Variants in EFCAB5 observed in about 807,000 individuals in gnomAD.
EFCAB5 encodes EF-hand calcium-binding domain-containing protein 5.
In EFCAB5, 131 loss-of-function variants were observed where a neutral mutation model predicts 167.9. The ratio of observed to expected loss-of-function variants is 0.78; its 90% CI spans 0.68 to 0.90. The LOEUF is 0.90. EFCAB5 is among the 40% of genes least tolerant of loss of function. The probability of loss-of-function intolerance (pLI) is 0.00; values close to 1 mark genes in which losing one functional copy is unlikely to be tolerated. For missense variants in EFCAB5, 1,663 were observed against 1,745.2 expected, an observed-to-expected ratio of 0.95 and a Z score of 0.84; for synonymous variants, 574 against 602.8, an observed-to-expected ratio of 0.95 and a Z score of 0.70.
chr17:29,997,261 AAG>A (rs2068565442), intron 6 of EFCAB5, among the ~76,000 whole-genome samples: 1 of 151,880 alleles, frequency 6.6e-6, no homozygotes, highest in Non-Finnish European at 1.5e-5. Flanking sequence ...AAAAAAAAGA[AAG>A]AAAGAAAATT....
In EFCAB5 at chr17:30,034,344, C is replaced by T. The variant is rs755373095; in HGVS notation, c.1159C>T (p.Gln387Ter). The T allele has an allele frequency of 6.2e-6, 10 of 1,611,026 alleles. No individual in the cohort carries two copies. Among genetic ancestry groups the T allele is most frequent in the Non-Finnish European group, 8.5e-6 (10 of 1,178,348 alleles). ...REVIKADMRR[Q>*]MFAELFLHCD... is the part of the protein sequence containing the mutation. The stretch of plus-strand genomic sequence containing the variant: ...GGTCATAAAAGCTGACATGCGGAGG[C>T]AGATGTTCGCTGAACTCTTCCTACA... Residue 387 changes from glutamine (Q) to a stop codon, truncating the protein, a stop_gained, in exon 8 of 23, where the codon CAG (glutamine) becomes TAG (stop). Coordinates refer to ENST00000394835, the MANE Select transcript of EFCAB5 (RefSeq NM_198529.4). LOFTEE classifies it high-confidence loss of function.
chr17:29,934,322 CA>C (rs2067227615), intron 1 of EFCAB5, among the ~76,000 whole-genome samples: 1 of 152,202 alleles, frequency 6.6e-6, no homozygotes, highest in African/African-American at 2.4e-5. Flanking sequence ...CACATTATCA[CA>C]GGGTATTTCC....
At position 29,969,318 on chromosome 17, in the gene EFCAB5, G is replaced by C. The variant is rs369973710; in HGVS notation, c.718G>C (p.Glu240Gln). 1.2e-6 allele frequency: 2 copies of C among 1,610,056 alleles called. No individual in the cohort carries two copies. Among genetic ancestry groups the C allele is most frequent in the African/African-American group, 2.7e-5 (2 of 74,532 alleles). Residue 240 changes from glutamate (E) to glutamine (Q), a missense_variant, in exon 4 of 23, where the codon GAA (glutamate) becomes CAA (glutamine). Coordinates refer to ENST00000394835, the MANE Select transcript of EFCAB5 (RefSeq NM_198529.4). ...GMSGYQRLMK[E>Q]VTEDLKIYVP... is the part of the protein sequence containing the mutation. Reference sequence around the variant, plus strand: ...GTCTGGTTACCAGAGGTTGATGAAAGAAGTCACAGAAGACCTGAAGATATA... The same window carrying C: ...GTCTGGTTACCAGAGGTTGATGAAACAAGTCACAGAAGACCTGAAGATATA...
rs2071176200 is a variant in EFCAB5 at position 30,090,563 on chromosome 17, T to C, written c.3826T>C (p.Leu1276=). ...TTTTAACATCGGCCAAAATAGGATG[T>C]TGTTGTGTCAAGAATATAAAGATCT... The part of the protein sequence containing the change: ...LDFNIGQNRM[L]LCQEYKDLQK... The change falls in exon 20 of 23, where the codon TTG becomes CTG. Residue 1276 remains leucine, a synonymous_variant. Transcript: ENST00000394835. 1 of 1,613,826 alleles carries C rather than the reference T, an allele frequency of 6.2e-7. No individual in the cohort carries two copies. The highest frequency in any genetic ancestry group is 1.3e-5 in the African/African-American group (1 of 74,904).
intron 7 of EFCAB5, among the ~76,000 whole-genome samples, chr17:30,004,215 C>G (rs2068727204): frequency 6.6e-6 from 1 of 152,232 alleles, no homozygotes; most frequent in Non-Finnish European, 1.5e-5. Flanking sequence ...AGACCCTGTG[C>G]AAGGTTTCCT....
intron 2 of EFCAB5, among the ~76,000 whole-genome samples, chr17:29,942,848 G>GC (rs1350828611): frequency 6.6e-6 from 1 of 152,072 alleles, no homozygotes; most frequent in Non-Finnish European, 1.5e-5. Context: ...GACCGGACTG[G>GC]CCAACATAGC....
intron 8 of EFCAB5, among the ~76,000 whole-genome samples, chr17:30,049,264 G>A (rs1180287645): frequency 6.6e-6 from 1 of 151,994 alleles, no homozygotes; most frequent in Non-Finnish European, 1.5e-5. Flanking sequence ...GGCGGATCAC[G>A]AGGTCAAGAG....
intron 7 of EFCAB5, among the ~76,000 whole-genome samples, chr17:30,019,769 C>T (rs2069131415): frequency 6.6e-6 from 1 of 152,056 alleles, no homozygotes; most frequent in African/African-American, 2.4e-5. Context: ...CTAGAATAAG[C>T]CTCAGTCATG....
At chr17:30,000,808 G>T (rs915450863) in intron 7 of EFCAB5, among the ~76,000 whole-genome samples, 4 of 152,082 alleles carry the variant, frequency 2.6e-5, no homozygotes, top group Admixed American at 1.3e-4. Flanking sequence ...TTCTGTGTTT[G>T]TCTATTTGTC....
chr17:30,097,053 T>TACATATACATATACATATACATATAC (rs201621184), intron 22 of EFCAB5, among the ~76,000 whole-genome samples: 1 of 91,528 alleles, frequency 1.1e-5, no homozygotes, highest in Admixed American at 1.1e-4. Flanking sequence ...CATATACATA[T>TACATATACATATACATATACATATAC]ATATATATTT....
chr17:30,092,092 A>G lies in EFCAB5; in HGVS notation c.4159A>G (p.Ile1387Val), dbSNP rs755624016. The G allele has an allele frequency of 1.9e-6, 3 of 1,614,000 alleles. No homozygotes were observed. The South Asian group carries it at 3.3e-5, about 18-fold the overall frequency. Residue 1387 changes from isoleucine (I) to valine (V), a missense_variant, in exon 21 of 23, where the codon ATC becomes GTC. Ile to Val is a conservative substitution (Grantham distance 29, BLOSUM62 3). Transcript: ENST00000394835. Reference sequence around the variant, plus strand: ...AGTGCGTGACATCCTGAAGGCGGTTATCTTGTTCTTTCATCCAGAGTTGGA... The same window carrying G: ...AGTGCGTGACATCCTGAAGGCGGTTGTCTTGTTCTTTCATCCAGAGTTGGA... The part of the protein sequence containing the change: ...KLVRDILKAV[I>V]LFFHPELEFS...
intron 3 of EFCAB5, among the ~76,000 whole-genome samples, chr17:29,959,803 G>T (rs1217944441): frequency 6.6e-6 from 1 of 152,054 alleles, no homozygotes; most frequent in East Asian, 1.9e-4. Context: ...TTGGGGGAGG[G>T]GTGACACAAC....
intron 4 of EFCAB5, among the ~76,000 whole-genome samples, chr17:29,977,538 G>A (rs1031285242): frequency 2.6e-5 from 4 of 152,098 alleles, no homozygotes; most frequent in Non-Finnish European, 4.4e-5. Context: ...CCTGTATAAT[G>A]CATACCCAGT....
At chr17:30,073,597 C>A in intron 14 of EFCAB5, 1 of 686,486 alleles carries the variant, frequency 1.5e-6, no homozygotes, top group South Asian at 1.6e-5. Context: ...GCATATCATT[C>A]ATTAGAGTTC....
In EFCAB5 at chr17:29,968,925, A is replaced by G; in HGVS notation, c.325A>G (p.Lys109Glu). The change falls in exon 4 of 23, where the codon AAG (lysine) becomes GAG (glutamate). Residue 109 changes from lysine (K) to glutamate (E), a missense_variant. Physicochemically the swap from Lys to Glu is moderately conservative, Grantham distance 56. Coordinates refer to ENST00000394835, the MANE Select transcript of EFCAB5 (RefSeq NM_198529.4). ...FALDETELKS[K>E]PEHTWKKNLF... ...TTTAGATGAAACTGAACTGAAATCA[A>G]AGCCAGAGCACACATGGAAGAAAAA... The G allele has an allele frequency of 6.3e-7, 1 of 1,583,050 alleles. No individual in the cohort carries two copies. Among genetic ancestry groups the G allele is most frequent in the African/African-American group, 1.3e-5 (1 of 74,424 alleles).
At chr17:30,016,056 AT>A (rs2069032735) in intron 7 of EFCAB5, among the ~76,000 whole-genome samples, 1 of 151,932 alleles carries the variant, frequency 6.6e-6, no homozygotes, top group Non-Finnish European at 1.5e-5. Flanking sequence ...GTTTATTCAG[AT>A]CTCATTTTAA....
chr17:30,032,158 A>G (rs186478290), intron 7 of EFCAB5, among the ~76,000 whole-genome samples: 1 of 152,356 alleles, frequency 6.6e-6, no homozygotes, highest in Non-Finnish European at 1.5e-5. Flanking sequence ...GCTAATTACA[A>G]GAACCAGAAA....
At chr17:30,057,934 A>G (rs2070319310) in intron 13 of EFCAB5, 44 bp downstream of exon 13, 1 of 1,548,306 alleles carries the variant, frequency 6.5e-7, no homozygotes, top group Non-Finnish European at 8.8e-7. Flanking sequence ...GGTCACTATT[A>G]TAAGTAAATC....
intron 21 of EFCAB5, 140 bp downstream of exon 21, chr17:30,092,297 C>G: frequency 2.2e-6 from 2 of 908,982 alleles, no homozygotes; most frequent in Non-Finnish European, 3.2e-6. Flanking sequence ...GTAACCAGAC[C>G]TAGATCAAGA....
Sources: allele counts gnomAD v4.1 joint callset (sites outside exome capture counted in the v4.1 genomes callset), GRCh38; gene constraint gnomAD v4.1.1; transcripts MANE v1.5; gene names NCBI Gene and HGNC (gene_info 2026-07-23, HGNC 2026-07-21).